NALCN: variants seen among roughly 807,000 people sequenced by gnomAD.
NALCN encodes the protein sodium leak channel, non-selective, also known as sodium leak channel NALCN.
Under a neutral mutation model 225.3 loss-of-function variants are expected in NALCN, and 111 were observed. That is an observed-to-expected ratio of 0.49 (90% CI 0.42 to 0.58). The LOEUF (loss-of-function observed/expected upper bound fraction) is 0.58. Among genes scored for constraint, NALCN ranks in the 20% least tolerant of loss-of-function variants. The pLI is 0.00. For missense variants in NALCN, 1,378 were observed against 2,202.4 expected, an observed-to-expected ratio of 0.63 and a Z score of 7.49; for synonymous variants, 764 against 769.0, an observed-to-expected ratio of 0.99 and a Z score of 0.11.
At chr13:101,126,695 ATTGGCCAGGCTG>A (rs1379298989) in intron 17 of NALCN, among the ~76,000 whole-genome samples, 1 of 151,814 alleles carries the variant, frequency 6.6e-6, no homozygotes, top group East Asian at 1.9e-4. Flanking sequence ...GTTTCACCAT[ATTGGCCAGGCTG>A]GTCTTGAACT....
At chr13:101,108,751 G>A (rs2035277437) in intron 20 of NALCN, among the ~76,000 whole-genome samples, 1 of 152,188 alleles carries the variant, frequency 6.6e-6, no homozygotes, top group Non-Finnish European at 1.5e-5. Context: ...CCCATGGAAG[G>A]TGCAAGGCCA....
chr13:101,285,172 T>C (rs1566531015), intron 9 of NALCN, among the ~76,000 whole-genome samples: 1 of 152,234 alleles, frequency 6.6e-6, no homozygotes, highest in Non-Finnish European at 1.5e-5. Context: ...GATTTGTAAT[T>C]AGAGTTTCAA....
intron 6 of NALCN, among the ~76,000 whole-genome samples, chr13:101,346,087 C>CTCTATATATATATATATATA: frequency 7.0e-5 from 5 of 70,968 alleles, no homozygotes; most frequent in Admixed American, 2.0e-4. Flanking sequence ...CTCTCTCTCT[C>CTCTATATATATATATATATA]TATATATATA....
intron 18 of NALCN, among the ~76,000 whole-genome samples, chr13:101,122,801 C>A (rs146177536): frequency 2.0e-5 from 3 of 152,174 alleles, no homozygotes; most frequent in Non-Finnish European, 4.4e-5. Context: ...TAACCACATG[C>A]CCTTGTGACA....
intron 6 of NALCN, among the ~76,000 whole-genome samples, chr13:101,352,534 T>C (rs2045936398): frequency 6.6e-6 from 1 of 152,174 alleles, no homozygotes; most frequent in Non-Finnish European, 1.5e-5. Flanking sequence ...TTTAGTGAGA[T>C]ACAAGGATTG....
intron 13 of NALCN, among the ~76,000 whole-genome samples, chr13:101,193,882 A>G (rs191647279): frequency 1.3e-5 from 2 of 152,280 alleles, no homozygotes; most frequent in East Asian, 1.9e-4. Context: ...ATTTTCTTCA[A>G]TGAAGGTATC....
intron 10 of NALCN, among the ~76,000 whole-genome samples, chr13:101,260,662 G>A (rs966260834): frequency 1.3e-5 from 2 of 152,052 alleles, no homozygotes; most frequent in Non-Finnish European, 2.9e-5. Context: ...TGTGTCATTT[G>A]TATGTCTTCT....
At chr13:101,228,258 C>T (rs1210968986) in intron 13 of NALCN, among the ~76,000 whole-genome samples, 8 of 152,040 alleles carry the variant, frequency 5.3e-5, no homozygotes, top group Non-Finnish European at 1.2e-4. Flanking sequence ...TAAAAAAATC[C>T]CTAAAATAAA....
intron 13 of NALCN, among the ~76,000 whole-genome samples, chr13:101,214,710 G>T (rs1269017492): frequency 6.6e-6 from 1 of 152,066 alleles, no homozygotes; most frequent in African/African-American, 2.4e-5. Flanking sequence ...GCTAGACTTT[G>T]GTTTTTAATG....
intron 3 of NALCN, among the ~76,000 whole-genome samples, chr13:101,379,803 G>A (rs1386527634): frequency 6.6e-6 from 1 of 152,066 alleles, no homozygotes; most frequent in Non-Finnish European, 1.5e-5. Context: ...CATGGCACGT[G>A]TATACCTGTG....
rs529356175 is a variant in NALCN, at chr13:101,104,433, C to G, written c.2758-7G>C. 1 of 1,612,294 alleles carries G rather than the reference C, an allele frequency of 6.2e-7. No homozygotes were observed. Among genetic ancestry groups the G allele is most frequent in the Non-Finnish European group, 8.5e-7 (1 of 1,179,000 alleles). On this transcript the variant is annotated splice_polypyrimidine_tract_variant and splice_region_variant and intron_variant, in intron 24 of 43. Transcript: ENST00000251127. This position sits in a 1 kb window ranked among gnomAD's most constrained non-coding sequence, Gnocchi z 4.2. ...CAAACACATACTCAGCAATCTGAAA[C>G]GGGCAAAAGGCAGTTTGGTTACAAT... is the stretch of plus-strand genomic sequence containing the variant.
chr13:101,309,855 T>C (rs1594649793), intron 7 of NALCN, among the ~76,000 whole-genome samples: 1 of 152,192 alleles, frequency 6.6e-6, no homozygotes, highest in African/African-American at 2.4e-5. Context: ...CTACCAGCTA[T>C]AGCATTTTCA....
intron 9 of NALCN, among the ~76,000 whole-genome samples, chr13:101,286,276 G>C (rs1033769911): frequency 6.6e-6 from 1 of 152,184 alleles, no homozygotes; most frequent in Admixed American, 6.5e-5. Flanking sequence ...AAGAGAATCT[G>C]TATGGGGCCA....
At chr13:101,066,308 CAAAAA>C (rs72260451) in intron 39 of NALCN, among the ~76,000 whole-genome samples, 1 of 125,150 alleles carries the variant, frequency 8.0e-6, no homozygotes. Context: ...GACTCCATCT[CAAAAA>C]AAAAAAAAAA....
At chr13:101,091,293 G>A (rs181002915) in intron 28 of NALCN, among the ~76,000 whole-genome samples, 1 of 152,196 alleles carries the variant, frequency 6.6e-6, no homozygotes, top group Non-Finnish European at 1.5e-5. Context: ...CCCCCTGCTA[G>A]CTCATTTCTC....
intron 13 of NALCN, among the ~76,000 whole-genome samples, chr13:101,210,622 T>G (rs1264569219): frequency 6.6e-6 from 1 of 152,212 alleles, no homozygotes. Context: ...TTTTAAACTT[T>G]CTATACAACA....
chr13:101,186,785 C>T (rs1366741563), intron 14 of NALCN, among the ~76,000 whole-genome samples: 1 of 152,000 alleles, frequency 6.6e-6, no homozygotes, highest in Non-Finnish European at 1.5e-5. Flanking sequence ...TTTATTTAAA[C>T]AGTATATTTC....
intron 17 of NALCN, among the ~76,000 whole-genome samples, chr13:101,125,388 A>G (rs1351078882): frequency 3.9e-5 from 6 of 152,164 alleles, no homozygotes; most frequent in Non-Finnish European, 7.3e-5. Flanking sequence ...AATAATAAAT[A>G]ACTAGAATAA....
intron 10 of NALCN, among the ~76,000 whole-genome samples, chr13:101,259,997 T>A (rs2042372511): frequency 6.6e-6 from 1 of 151,962 alleles, no homozygotes; most frequent in Admixed American, 6.6e-5. Context: ...TTGTTCCCAT[T>A]AACCATCCCT....
Sources: allele counts gnomAD v4.1 joint callset (sites outside exome capture counted in the v4.1 genomes callset), GRCh38; gene constraint gnomAD v4.1.1; non-coding constraint Gnocchi (gnomAD v3.1); transcripts MANE v1.5; gene names NCBI Gene and HGNC (gene_info 2026-07-23, HGNC 2026-07-21).